Variants in WDR41 observed in about 807,000 individuals in gnomAD.
WDR41 encodes the protein WD repeat domain 41, also known as WD repeat-containing protein 41.
In WDR41, 63 loss-of-function variants were observed where a neutral mutation model predicts 69.3. The ratio of observed to expected loss-of-function variants is 0.91; its 90% CI spans 0.74 to 1.12. The LOEUF (loss-of-function observed/expected upper bound fraction) is 1.12. WDR41 is among the 50% of genes most tolerant of loss of function. WDR41 has a pLI of 0.00. For synonymous variants in WDR41, 185 were observed against 192.1 expected, an observed-to-expected ratio of 0.96 and a Z score of 0.31; for missense variants, 543 against 534.5, an observed-to-expected ratio of 1.02 and a Z score of -0.16.
chr5:77,489,388 G>T, intron 2 of WDR41, 69 bp downstream of exon 2: 2 of 828,968 alleles, frequency 2.4e-6, no homozygotes, highest in Non-Finnish European at 3.7e-6. Flanking sequence ...AATTTTAAAG[G>T]TGTTTAACAT....
At chr5:77,614,709 T>C (rs1242885048) in intron 1 of WDR41, among the ~76,000 whole-genome samples, 1 of 149,172 alleles carries the variant, frequency 6.7e-6, no homozygotes, top group East Asian at 2.0e-4. Context: ...AATGACGCGT[T>C]AATGGGTGCA....
At chr5:77,536,921 CT>C (rs1446909804) in intron 1 of WDR41, among the ~76,000 whole-genome samples, 1 of 152,188 alleles carries the variant, frequency 6.6e-6, no homozygotes, top group Non-Finnish European at 1.5e-5. Context: ...AGAAAAGGCA[CT>C]GGATGTTGAG....
At chr5:77,458,093 G>A (rs1371078251) in intron 5 of WDR41, among the ~76,000 whole-genome samples, 1 of 152,008 alleles carries the variant, frequency 6.6e-6, no homozygotes, top group Admixed American at 6.6e-5. Context: ...ATTTTTAAAG[G>A]AATGTAAAAG....
At chr5:77,522,087 C>T (rs1341005717) in intron 1 of WDR41, among the ~76,000 whole-genome samples, 1 of 152,180 alleles carries the variant, frequency 6.6e-6, no homozygotes, top group Non-Finnish European at 1.5e-5. Flanking sequence ...GTGACTAAAA[C>T]ATCAGAGGTG....
chr5:77,541,059 C>T (rs1485472969), intron 1 of WDR41, among the ~76,000 whole-genome samples: 1 of 152,100 alleles, frequency 6.6e-6, no homozygotes, highest in African/African-American at 2.4e-5. Context: ...AACCAATTCT[C>T]ATTAAAGAAA....
chr5:77,560,256 C>T (rs976355614), intron 1 of WDR41, among the ~76,000 whole-genome samples: 2 of 152,102 alleles, frequency 1.3e-5, no homozygotes, highest in Non-Finnish European at 2.9e-5. Flanking sequence ...AGCACTAGCC[C>T]ATCAGATGTT....
intron 1 of WDR41, among the ~76,000 whole-genome samples, chr5:77,568,302 G>A (rs1743674099): frequency 6.6e-6 from 1 of 152,180 alleles, no homozygotes; most frequent in South Asian, 2.1e-4. Flanking sequence ...TTTTGCCTGT[G>A]ACATTGGAGA....
intron 1 of WDR41, among the ~76,000 whole-genome samples, chr5:77,491,579 G>C (rs1057118898): frequency 6.6e-6 from 1 of 152,158 alleles, no homozygotes; most frequent in Non-Finnish European, 1.5e-5. Flanking sequence ...GGCCCATGAA[G>C]AAAGTGTGAC....
intron 1 of WDR41, among the ~76,000 whole-genome samples, chr5:77,569,576 G>A (rs558812160): frequency 1.1e-3 from 167 of 152,150 alleles, no homozygotes; most frequent in African/African-American, 3.5e-3. Flanking sequence ...TCTTATTTAT[G>A]CTATCTTTAA....
chr5:77,568,747 C>A (rs1743681649), intron 1 of WDR41, among the ~76,000 whole-genome samples: 2 of 152,070 alleles, frequency 1.3e-5, no homozygotes, highest in Admixed American at 6.6e-5. Context: ...TGATAAATAT[C>A]CAACCAGGAA....
intron 1 of WDR41, among the ~76,000 whole-genome samples, chr5:77,510,257 T>G (rs1281715145): frequency 6.6e-6 from 1 of 152,116 alleles, no homozygotes; most frequent in Non-Finnish European, 1.5e-5. Flanking sequence ...AACTCCCGTT[T>G]TTAAAACCAT....
At chr5:77,490,808 T>C (rs1801740809) in intron 1 of WDR41, among the ~76,000 whole-genome samples, 2 of 152,236 alleles carry the variant, frequency 1.3e-5, no homozygotes. Flanking sequence ...CATATATGGC[T>C]ATTCAATAAT....
chr5:77,443,559 G>A (rs563520483), intron 8 of WDR41, among the ~76,000 whole-genome samples: 11 of 152,220 alleles, frequency 7.2e-5, no homozygotes, highest in African/African-American at 2.4e-4. Flanking sequence ...GGAGCAAAAC[G>A]GGCTTCTAGT....
At chr5:77,555,166 C>T (rs947100493) in intron 1 of WDR41, among the ~76,000 whole-genome samples, 4 of 151,736 alleles carry the variant, frequency 2.6e-5, no homozygotes, top group African/African-American at 9.7e-5. Context: ...TAAATAAAAT[C>T]AGTGAATTGT....
chr5:77,545,258 G>C (rs1457059538), intron 1 of WDR41: 1 of 152,810 alleles, frequency 6.5e-6, no homozygotes, highest in Non-Finnish European at 1.5e-5. Context: ...CAAGGAACTA[G>C]AGAAACAAGA....
chr5:77,595,667 T>C (rs1050758960), intron 1 of WDR41, among the ~76,000 whole-genome samples: 4 of 152,242 alleles, frequency 2.6e-5, no homozygotes, highest in Non-Finnish European at 4.4e-5. Flanking sequence ...TTCTAATCAA[T>C]GTGTGCAAAA....
At chr5:77,596,414 G>A (rs1744228834) in intron 1 of WDR41, among the ~76,000 whole-genome samples, 1 of 152,152 alleles carries the variant, frequency 6.6e-6, no homozygotes, top group South Asian at 2.1e-4. Context: ...ACAGGCATGA[G>A]CCTCCACGCC....
chr5:77,490,978 G>A (rs1162070059), intron 1 of WDR41, among the ~76,000 whole-genome samples: 2 of 152,208 alleles, frequency 1.3e-5, no homozygotes, highest in Non-Finnish European at 2.9e-5. Context: ...TACTTCTTAT[G>A]AGAAATAAAA....
chr5:77,489,581 G>GGGA lies in WDR41; in HGVS notation c.52-10_52-9insTCC. On this transcript the variant is annotated splice_polypyrimidine_tract_variant and intron_variant, in intron 1 of 12. Transcript: ENST00000296679. ...GTCTGTAAAGGAGATTTCTTGTATT[G>GGGA]AAAAAAAAAAAAAAGCAAAAAACAA... 2.0e-6 allele frequency: 2 copies of GGGA among 1,003,256 alleles called. No individual in the cohort carries two copies. Among genetic ancestry groups the GGGA allele is most frequent in the African/African-American group, 2.2e-5 (1 of 45,880 alleles). The allele number at this position is 1,003,256 out of a possible 1,614,324, so 62.1% of individuals were successfully genotyped here.
Sources: gnomAD v4.1 joint callset for allele counts (sites outside exome capture counted in the v4.1 genomes callset) on GRCh38, gnomAD v4.1.1 for gene constraint, MANE v1.5 for transcripts, NCBI Gene and HGNC (gene_info 2026-07-23, HGNC 2026-07-21) for gene names.